The following STMND1 variants were observed in gnomAD, a reference collection of about 807,000 sequenced individuals.
STMND1 encodes stathmin domain-containing protein 1.
STMND1 carries 17 observed loss-of-function variants against 23.0 expected under a neutral mutation model. That is an observed-to-expected ratio of 0.74 (90% CI 0.51 to 1.11). STMND1 has a LOEUF of 1.11. Among genes scored for constraint, STMND1 ranks in the 50% least tolerant of loss-of-function variants. STMND1 has a pLI of 0.00. For synonymous variants in STMND1, 114 were observed against 119.9 expected, an observed-to-expected ratio of 0.95 and a Z score of 0.32; for missense variants, 305 against 329.1, an observed-to-expected ratio of 0.93 and a Z score of 0.57.
intron 2 of STMND1, among the ~76,000 whole-genome samples, chr6:17,119,913 G>A (rs1037666830): frequency 2.0e-5 from 3 of 152,072 alleles, no homozygotes; most frequent in Admixed American, 6.6e-5. Flanking sequence ...GCATAAACTC[G>A]GCTGCTTATT....
At chr6:17,118,499 T>A (rs1330792098) in intron 2 of STMND1, among the ~76,000 whole-genome samples, 1 of 152,110 alleles carries the variant, frequency 6.6e-6, no homozygotes, top group Non-Finnish European at 1.5e-5. Flanking sequence ...TATTCTCCAA[T>A]GTCCCAAGAA....
chr6:17,126,784 C>T (rs976053304), intron 3 of STMND1, among the ~76,000 whole-genome samples: 4 of 152,154 alleles, frequency 2.6e-5, no homozygotes, highest in African/African-American at 9.7e-5. Context: ...ATAAACCGTC[C>T]AATGGTTCTA....
At chr6:17,108,797 A>G (rs1444043724) in intron 1 of STMND1, among the ~76,000 whole-genome samples, 1 of 150,658 alleles carries the variant, frequency 6.6e-6, no homozygotes, top group African/African-American at 2.4e-5. Context: ...CTCGAGTTCA[A>G]GTGATTCTCC....
At chr6:17,120,573 T>C in intron 2 of STMND1, 34 bp from the exon 3 acceptor site, 1 of 1,444,658 alleles carries the variant, frequency 6.9e-7, no homozygotes, top group South Asian at 1.5e-5. Flanking sequence ...TTCTTAAATT[T>C]TGCTTTCTTT....
intron 1 of STMND1, among the ~76,000 whole-genome samples, chr6:17,107,495 A>T (rs1184547955): frequency 6.6e-6 from 1 of 152,198 alleles, no homozygotes; most frequent in Non-Finnish European, 1.5e-5. Context: ...CCCGAGGAAA[A>T]AATAGAACAT....
intron 1 of STMND1, among the ~76,000 whole-genome samples, chr6:17,110,327 T>G (rs1255222308): frequency 6.6e-6 from 1 of 152,074 alleles, no homozygotes; most frequent in Admixed American, 6.5e-5. Flanking sequence ...TGACTGTGCC[T>G]GTGAATAGCC....
chr6:17,102,379 A>C (rs1019053283), intron 1 of STMND1, 41 bp downstream of exon 1: 87 of 1,528,138 alleles, frequency 5.7e-5, no homozygotes, highest in Non-Finnish European at 6.8e-5. Context: ...AACAGACAGA[A>C]AGCCTTTTGC....
At chr6:17,115,372 T>A (rs1397452606) in intron 2 of STMND1, among the ~76,000 whole-genome samples, 35 of 116,098 alleles carry the variant, frequency 3.0e-4, no homozygotes, top group Non-Finnish European at 5.6e-4. Flanking sequence ...GGACCATCTT[T>A]AAAAAAAAAA....
chr6:17,127,021 G>T (rs375336364), intron 3 of STMND1, among the ~76,000 whole-genome samples: 1 of 152,170 alleles, frequency 6.6e-6, no homozygotes, highest in Non-Finnish European at 1.5e-5. Context: ...CCCGGCTGTA[G>T]GCTCTCCTTC....
At chr6:17,113,344 C>A (rs1375697448) in intron 1 of STMND1, among the ~76,000 whole-genome samples, 4 of 152,188 alleles carry the variant, frequency 2.6e-5, no homozygotes, top group African/African-American at 9.7e-5. Flanking sequence ...GGAGTTGAAG[C>A]TGCCGTTCAC....
At chr6:17,124,721 G>A (rs1192559631) in intron 3 of STMND1, among the ~76,000 whole-genome samples, 1 of 152,118 alleles carries the variant, frequency 6.6e-6, no homozygotes, top group African/African-American at 2.4e-5. Context: ...AATCAGGCTG[G>A]GCAAGATGGC....
intron 2 of STMND1, among the ~76,000 whole-genome samples, chr6:17,119,509 G>A (rs1761202018): frequency 6.6e-6 from 1 of 152,134 alleles, no homozygotes. Flanking sequence ...TTCGAGACCA[G>A]CCTGTCCAAC....
intron 1 of STMND1, among the ~76,000 whole-genome samples, chr6:17,108,583 T>C (rs1429200788): frequency 1.3e-5 from 2 of 152,158 alleles, no homozygotes; most frequent in Admixed American, 1.3e-4. Flanking sequence ...TTTTAGTAGT[T>C]TATTTGGAAA....
Position 17,129,212 on chromosome 6 carries a change from A to G in STMND1, c.512A>G (p.Glu171Gly), listed in dbSNP as rs766112460. ...VKDFTMKDIEEKMEAAEERRK... is the reference protein window; with the variant it reads ...VKDFTMKDIEGKMEAAEERRK... ...GATTTCACAATGAAGGACATCGAGG[A>G]GAAGATGGAGGCTGCCGAGGAGCGC... Residue 171 changes from glutamate (E) to glycine (G), a missense_variant, in exon 4 of 5, where the codon GAG becomes GGG. Coordinates refer to ENST00000536551, the MANE Select transcript of STMND1 (RefSeq NM_001190766.2). 1 of 1,535,990 alleles carries G rather than the reference A, an allele frequency of 6.5e-7. No homozygotes were observed. The highest frequency in any genetic ancestry group is 1.2e-5 in the South Asian group (1 of 84,060).
chr6:17,115,923 T>C (rs528593352), intron 2 of STMND1, among the ~76,000 whole-genome samples: 11 of 152,356 alleles, frequency 7.2e-5, no homozygotes, highest in Non-Finnish European at 1.5e-4. Context: ...ACAGATTTTC[T>C]ATTCGCCCTC....
At chr6:17,113,895 C>A (rs148591217) in intron 1 of STMND1, among the ~76,000 whole-genome samples, 1 of 152,180 alleles carries the variant, frequency 6.6e-6, no homozygotes, top group Non-Finnish European at 1.5e-5. Flanking sequence ...GAATGCTCAG[C>A]GTAGTAGCTT....
chr6:17,120,700 A>G lies in STMND1; in HGVS notation c.353A>G (p.Gln118Arg). ...GATATCCTGGAGGAACTAATTGTTC[A>G]AGGAATTATACAAAGCCACAGCAAA... Reference protein sequence around the residue: ...SSDILEELIVQGIIQSHSKVF... With the variant: ...SSDILEELIVRGIIQSHSKVF... Residue 118 changes from glutamine to arginine, a missense_variant, in exon 3 of 5, where the codon CAA (glutamine) becomes CGA (arginine). Physicochemically the swap from Gln to Arg is conservative, Grantham distance 43. Transcript: ENST00000536551. 4 of 1,535,634 alleles carry G rather than the reference A, an allele frequency of 2.6e-6. No homozygotes were observed. The highest frequency in any genetic ancestry group is 2.6e-6 in the Non-Finnish European group (3 of 1,146,594).
chr6:17,126,052 ATATATATATATATATATATTTTTT>A, intron 3 of STMND1, among the ~76,000 whole-genome samples: 1 of 29,442 alleles, frequency 3.4e-5, no homozygotes, highest in African/African-American at 1.7e-4. Context: ...ATATATATAT[ATATATATATATATATATATTTTTT>A]TTTTTTTTTT....
At chr6:17,121,429 A>T (rs1316916014) in intron 3 of STMND1, among the ~76,000 whole-genome samples, 1 of 152,182 alleles carries the variant, frequency 6.6e-6, no homozygotes, top group Non-Finnish European at 1.5e-5. Context: ...CTTGAGCACT[A>T]CCTATGTAAT....
Sources: gnomAD v4.1 joint callset for allele counts (sites outside exome capture counted in the v4.1 genomes callset) on GRCh38, gnomAD v4.1.1 for gene constraint, MANE v1.5 for transcripts, NCBI Gene and HGNC (gene_info 2026-07-23, HGNC 2026-07-21) for gene names.